OSBPL10: variants seen among roughly 807,000 people sequenced by gnomAD.
OSBPL10 encodes the protein oxysterol binding protein like 10.
A neutral mutation model predicts 81.7 loss-of-function variants in OSBPL10; 49 were observed. The ratio of observed to expected loss-of-function variants is 0.60; its 90% CI spans 0.48 to 0.76. The LOEUF is 0.76. Among genes scored for constraint, OSBPL10 ranks in the 30% least tolerant of loss-of-function variants. The pLI is 0.00. For synonymous variants in OSBPL10, 419 were observed against 383.6 expected, an observed-to-expected ratio of 1.09 and a Z score of -1.08; for missense variants, 923 against 987.8, an observed-to-expected ratio of 0.93 and a Z score of 0.88.
intron 2 of OSBPL10, chr3:31,989,739 A>G: frequency 6.2e-7 from 1 of 1,614,146 alleles, no homozygotes; most frequent in African/African-American, 1.3e-5. Flanking sequence ...TCACACTAAA[A>G]CAGGAAGTAC....
At chr3:31,836,344 G>C (rs376630192) in intron 3 of OSBPL10, among the ~76,000 whole-genome samples, 1 of 152,182 alleles carries the variant, frequency 6.6e-6, no homozygotes, top group Admixed American at 6.5e-5. Flanking sequence ...TTCCAGAGAC[G>C]AAGTCTCTAG....
intron 7 of OSBPL10, among the ~76,000 whole-genome samples, chr3:31,694,484 T>G (rs184428702): frequency 1.3e-5 from 2 of 152,208 alleles, no homozygotes; most frequent in East Asian, 3.9e-4. Context: ...TATTTTAATT[T>G]TTTAAAAAGT....
intron 1 of OSBPL10, among the ~76,000 whole-genome samples, chr3:31,920,244 T>C (rs4269110): frequency 0.75 from 113,797 of 152,086 alleles, 42,787 homozygotes; most frequent in East Asian, 0.96. Flanking sequence ...ATATGTGACA[T>C]GCATTTGTCA....
At chr3:31,810,809 T>G (rs2125475593) in intron 4 of OSBPL10, among the ~76,000 whole-genome samples, 1 of 152,322 alleles carries the variant, frequency 6.6e-6, no homozygotes. Flanking sequence ...GTAAGGAAAC[T>G]GGCACTCCCT....
intron 7 of OSBPL10, among the ~76,000 whole-genome samples, chr3:31,695,192 T>C (rs1209872237): frequency 6.6e-6 from 1 of 152,232 alleles, no homozygotes; most frequent in Non-Finnish European, 1.5e-5. Flanking sequence ...ACCTACTCTC[T>C]GAAGCCAGCT....
chr3:31,938,213 T>C (rs1697435304), intron 1 of OSBPL10, among the ~76,000 whole-genome samples: 4 of 152,240 alleles, frequency 2.6e-5, no homozygotes, highest in African/African-American at 9.6e-5. Context: ...CTGACAGGCC[T>C]CTTCTGTCTA....
intron 1 of OSBPL10, among the ~76,000 whole-genome samples, chr3:32,048,637 GT>G (rs968956222): frequency 1.8e-4 from 27 of 151,936 alleles, no homozygotes; most frequent in African/African-American, 5.8e-4. Flanking sequence ...TAGACTAGCT[GT>G]TTTTTTTCTC....
At chr3:31,839,556 GTGGC>G (rs1700442907) in intron 3 of OSBPL10, among the ~76,000 whole-genome samples, 1 of 152,092 alleles carries the variant, frequency 6.6e-6, no homozygotes, top group South Asian at 2.1e-4. Context: ...TTTTAGGTAG[GTGGC>G]CAGAGAACGC....
At chr3:31,940,901 G>A (rs1697517894) in intron 1 of OSBPL10, among the ~76,000 whole-genome samples, 1 of 152,158 alleles carries the variant, frequency 6.6e-6, no homozygotes, top group Non-Finnish European at 1.5e-5. Context: ...GCTTCCCAAA[G>A]TGCTGGGATT....
intron 2 of OSBPL10, among the ~76,000 whole-genome samples, chr3:32,043,148 T>A (rs1699592415): frequency 6.6e-6 from 1 of 152,116 alleles, no homozygotes; most frequent in Non-Finnish European, 1.5e-5. Flanking sequence ...CCAGAGCAGC[T>A]GTTTATAGAC....
At chr3:31,802,769 A>G (rs1348140186) in intron 4 of OSBPL10, among the ~76,000 whole-genome samples, 1 of 152,056 alleles carries the variant, frequency 6.6e-6, no homozygotes, top group Non-Finnish European at 1.5e-5. Context: ...GAAATCCATT[A>G]AAAACAAGAG....
At chr3:31,879,908 T>C (rs1032190595) in intron 1 of OSBPL10, 78 bp from the exon 2 acceptor site, 1 of 1,422,680 alleles carries the variant, frequency 7.0e-7, no homozygotes, top group Admixed American at 2.5e-5. Context: ...AGCAAAGTGA[T>C]CCAGAAGTCA....
At chr3:31,891,798 A>G (rs946967191) in intron 1 of OSBPL10, among the ~76,000 whole-genome samples, 6 of 152,204 alleles carry the variant, frequency 3.9e-5, no homozygotes, top group African/African-American at 1.2e-4. Flanking sequence ...AAGTTTATTC[A>G]GGTAATGGTT....
intron 3 of OSBPL10, among the ~76,000 whole-genome samples, chr3:31,835,479 G>C (rs932437948): frequency 1.3e-5 from 2 of 152,122 alleles, no homozygotes; most frequent in Non-Finnish European, 2.9e-5. Flanking sequence ...ATTTCAAATA[G>C]ACATTTGACA....
chr3:31,861,238 T>C (rs533648903), intron 3 of OSBPL10, among the ~76,000 whole-genome samples: 1 of 152,134 alleles, frequency 6.6e-6, no homozygotes, highest in Non-Finnish European at 1.5e-5. Context: ...TTGGTGTCCA[T>C]GGGGGATTAG....
In OSBPL10 at chr3:31,837,362, TATATATATATATAGTA is replaced by T. The variant is rs1219873291; in HGVS notation, c.538-7147_538-7132del. ...ATATATATATATATATATATATATA[TATATATATATATAGTA>T]AGTAACATAACACAGAGACCTTTAA... On this transcript the variant is annotated intron_variant, in intron 3 of 11. Coordinates refer to ENST00000396556, the MANE Select transcript of OSBPL10 (RefSeq NM_017784.5). Among the ~76,000 whole-genome samples, 146 of 31,444 alleles carry T rather than the reference TATATATATATATAGTA, an allele frequency of 4.6e-3. 6 individuals are homozygous for T. The East Asian group carries it at 0.051, about 11-fold the overall frequency. The allele number at this position is 31,444 out of a possible 152,430, so 20.6% of individuals were successfully genotyped here. A position where few individuals can be genotyped will look rare whatever the true frequency, so the allele number is the denominator to read the frequency against.
intron 1 of OSBPL10, among the ~76,000 whole-genome samples, chr3:31,955,856 C>T (rs1311378716): frequency 6.6e-6 from 1 of 152,194 alleles, no homozygotes; most frequent in Non-Finnish European, 1.5e-5. Flanking sequence ...GAGAGGGGAA[C>T]AACAGGAGGC....
rs143012782 is a variant in OSBPL10 at position 31,855,405 on chromosome 3, A to C, written c.537+21028T>G. Among the ~76,000 whole-genome samples the C allele has an allele frequency of 2.3e-3, 353 of 152,326 alleles. 1 individual carries two copies. The highest frequency in any genetic ancestry group is 7.9e-3 in the African/African-American group (328 of 41,576). Reference sequence around the variant, plus strand: ...TTATACTGACATTTTTGAAGAATACAGTCCATGTAGGATATATTTTTAAGT... The same window carrying C: ...TTATACTGACATTTTTGAAGAATACCGTCCATGTAGGATATATTTTTAAGT... On this transcript the variant is annotated intron_variant, in intron 3 of 11. Transcript: ENST00000396556.
At chr3:31,947,746 T>G (rs140205686) in intron 1 of OSBPL10, among the ~76,000 whole-genome samples, 23 of 152,214 alleles carry the variant, frequency 1.5e-4, no homozygotes, top group Admixed American at 3.3e-4. Context: ...GAAAAATAGA[T>G]AAAGAATCTG....
Sources: allele counts gnomAD v4.1 joint callset (sites outside exome capture counted in the v4.1 genomes callset), GRCh38; gene constraint gnomAD v4.1.1; transcripts MANE v1.5; gene names NCBI Gene and HGNC (gene_info 2026-07-23, HGNC 2026-07-21).